TNIK: variants seen among roughly 807,000 people sequenced by gnomAD.
The protein encoded by TNIK is TRAF2 and NCK-interacting protein kinase.
In TNIK, 49 loss-of-function variants were observed where a neutral mutation model predicts 191.3. That is an observed-to-expected ratio of 0.26 (90% CI 0.20 to 0.32). TNIK has a LOEUF of 0.32. TNIK is among the 10% of genes least tolerant of loss of function. The pLI is 1.00. For missense variants in TNIK, 1,155 were observed against 1,702.3 expected (o/e 0.68, Z 5.66); for synonymous variants, 594 against 600.9 (o/e 0.99, Z 0.17).
In TNIK at chr3:171,071,182, T is replaced by A. The variant is rs1475873870; in HGVS notation, c.3549+41A>T. 2.0e-6 allele frequency: 3 copies of A among 1,515,302 alleles called. No individual in the cohort carries two copies. The African/African-American group carries it at 4.2e-5, about 21-fold the overall frequency. 93.9% of individuals were successfully genotyped at this position (1,515,302 alleles called of 1,614,324 possible). A position where few individuals can be genotyped will look rare whatever the true frequency, so the allele number is the denominator to read the frequency against. On this transcript the variant is annotated intron_variant, in intron 29 of 32. Transcript: ENST00000436636. ...TTTATTAATGGGTAGAAACGGAAAA[T>A]TTTTAAAAAGCACATTTTAGATAAT...
Position 171,058,937 on chromosome 3 carries a change from A to T in TNIK, c.*4944T>A, listed in dbSNP as rs1289316015. Among the ~76,000 whole-genome samples the T allele has an allele frequency of 2.0e-5, 3 of 152,212 alleles. No homozygotes were observed. The highest frequency in any genetic ancestry group is 2.9e-5 in the Non-Finnish European group (2 of 68,030). ...CAGGGTAATGTCCAAGGTTTCTTAAACATACCATAATAAGTATTACTATTC... is the reference window on the plus strand; with the variant it reads ...CAGGGTAATGTCCAAGGTTTCTTAATCATACCATAATAAGTATTACTATTC... On this transcript the variant is annotated 3_prime_UTR_variant, in exon 33 of 33. Transcript: ENST00000436636.
At chr3:171,160,196 C>T (rs888439139) in intron 11 of TNIK, among the ~76,000 whole-genome samples, 18 of 152,148 alleles carry the variant, frequency 1.2e-4, no homozygotes, top group African/African-American at 3.1e-4. Flanking sequence ...AAGAAGTATT[C>T]GGTCTTTGAC....
At chr3:171,100,036 A>G (rs1294455481) in intron 22 of TNIK, among the ~76,000 whole-genome samples, 2 of 152,216 alleles carry the variant, frequency 1.3e-5, no homozygotes, top group Admixed American at 1.3e-4. Flanking sequence ...TAAAGCCTTC[A>G]GCAGGGCTAT....
At chr3:171,442,111 T>G (rs1292266331) in intron 1 of TNIK, among the ~76,000 whole-genome samples, 3 of 152,202 alleles carry the variant, frequency 2.0e-5, no homozygotes, top group Non-Finnish European at 4.4e-5. Flanking sequence ...AAATGTTCCT[T>G]GCAAACTAAA....
Position 171,123,626 on chromosome 3 carries a change from G to T in TNIK, c.2090C>A (p.Pro697His), listed in dbSNP as rs866615803. ...NSPGNGSALG[P>H]RLGSQPIRAS... Reference sequence around the variant, plus strand: ...TCTGATGGGTTGAGATCCTAGTCTGGGTCCCAGAGCACTACCATTCCCAGG... The same window carrying T: ...TCTGATGGGTTGAGATCCTAGTCTGTGTCCCAGAGCACTACCATTCCCAGG... Residue 697 changes from proline (P) to histidine (H), a missense_variant, in exon 18 of 33, where the codon CCC (proline) becomes CAC (histidine). Physicochemically the swap from Pro to His is moderately conservative, Grantham distance 77. Coordinates refer to ENST00000436636, the MANE Select transcript of TNIK (RefSeq NM_015028.4). 3 of 1,571,190 alleles carry T rather than the reference G, an allele frequency of 1.9e-6. No individual in the cohort carries two copies. Among genetic ancestry groups the T allele is most frequent in the Non-Finnish European group, 2.6e-6 (3 of 1,155,980 alleles).
chr3:171,304,319 C>G (rs1753182907), intron 2 of TNIK, among the ~76,000 whole-genome samples: 1 of 152,154 alleles, frequency 6.6e-6, no homozygotes, highest in Admixed American at 6.5e-5. Context: ...GATACCATCT[C>G]ACACCAGTTA....
At chr3:171,412,350 A>T (rs1167697545) in intron 1 of TNIK, among the ~76,000 whole-genome samples, 1 of 152,168 alleles carries the variant, frequency 6.6e-6, no homozygotes, top group Non-Finnish European at 1.5e-5. Flanking sequence ...AGCTAATTAG[A>T]GTTTTCAAAT....
At chr3:171,075,346 G>C (rs906167524) in intron 28 of TNIK, among the ~76,000 whole-genome samples, 2 of 152,146 alleles carry the variant, frequency 1.3e-5, no homozygotes, top group Non-Finnish European at 2.9e-5. Context: ...AACCAAATAT[G>C]CATATGAATC....
chr3:171,122,392 A>G (rs1727876432), intron 18 of TNIK, among the ~76,000 whole-genome samples: 1 of 152,162 alleles, frequency 6.6e-6, no homozygotes, highest in Non-Finnish European at 1.5e-5. Context: ...CAGTGGCTCT[A>G]GTCTTCCTCA....
intron 1 of TNIK, among the ~76,000 whole-genome samples, chr3:171,420,123 C>T (rs1206943541): frequency 2.6e-5 from 4 of 152,170 alleles, no homozygotes; most frequent in Non-Finnish European, 5.9e-5. Flanking sequence ...CCATGCCTGA[C>T]TTATGAGGGT....
At chr3:171,086,208 A>G (rs889654851) in intron 24 of TNIK, among the ~76,000 whole-genome samples, 3 of 152,222 alleles carry the variant, frequency 2.0e-5, no homozygotes, top group African/African-American at 7.2e-5. Flanking sequence ...ACCTCTAAAC[A>G]TATAAGGAGA....
chr3:171,214,202 A>G (rs1334391752), intron 3 of TNIK, among the ~76,000 whole-genome samples: 3 of 151,658 alleles, frequency 2.0e-5, no homozygotes, highest in Admixed American at 1.3e-4. Context: ...TATTCAGTGA[A>G]ATAGGAAGGA....
At chr3:171,076,588 T>C (rs1719976519) in intron 28 of TNIK, among the ~76,000 whole-genome samples, 1 of 152,216 alleles carries the variant, frequency 6.6e-6, no homozygotes, top group African/African-American at 2.4e-5. Flanking sequence ...TTAATGTATT[T>C]TATCTAGTAC....
At position 171,188,851 on chromosome 3, in the gene TNIK, G is replaced by C; in HGVS notation, c.509-19C>G. ...AAGTCCACTATTTAAGAAAAGACAA[G>C]TAAATAAAGTCTGTGATCATAGGTT... On this transcript the variant is annotated intron_variant, in intron 6 of 32. Coordinates refer to ENST00000436636, the MANE Select transcript of TNIK (RefSeq NM_015028.4). 6.2e-7 allele frequency: 1 copy of C among 1,611,296 alleles called. No individual in the cohort carries two copies.
chr3:171,430,153 T>C (rs975512303), intron 1 of TNIK, among the ~76,000 whole-genome samples: 15 of 152,092 alleles, frequency 9.9e-5, no homozygotes, highest in African/African-American at 3.4e-4. Flanking sequence ...CTAAATAATA[T>C]GCAAAACACC....
At chr3:171,333,800 T>C (rs1237469251) in intron 2 of TNIK, among the ~76,000 whole-genome samples, 1 of 152,192 alleles carries the variant, frequency 6.6e-6, no homozygotes, top group Non-Finnish European at 1.5e-5. Flanking sequence ...ACCTTTCCCT[T>C]TCCCCATCGT....
intron 2 of TNIK, among the ~76,000 whole-genome samples, chr3:171,310,732 G>A (rs1560410268): frequency 6.6e-6 from 1 of 151,880 alleles, no homozygotes; most frequent in Non-Finnish European, 1.5e-5. Context: ...GTTCATATTT[G>A]ATATTTAAAT....
At chr3:171,439,758 G>A (rs1055858814) in intron 1 of TNIK, 2 of 152,232 alleles carry the variant, frequency 1.3e-5, no homozygotes, top group East Asian at 3.8e-4. Context: ...GCAAAGCTTA[G>A]GACCAAATCC....
chr3:171,316,961 ATATAATTATATGATATATAT>A (rs1754686579), intron 2 of TNIK, among the ~76,000 whole-genome samples: 1 of 130,540 alleles, frequency 7.7e-6, no homozygotes, highest in Non-Finnish European at 1.6e-5. Context: ...CATATAAAAT[ATATAATTATATGATATATAT>A]CATATAAAAT....
Sources: allele counts gnomAD v4.1 joint callset (sites outside exome capture counted in the v4.1 genomes callset), GRCh38; gene constraint gnomAD v4.1.1; transcripts MANE v1.5; gene names NCBI Gene and HGNC (gene_info 2026-07-23, HGNC 2026-07-21).